The following LRRC37A2 variants were observed in gnomAD, a reference collection of about 807,000 sequenced individuals.
The protein encoded by LRRC37A2 is leucine-rich repeat-containing protein 37A2.
A neutral mutation model predicts 68.8 loss-of-function variants in LRRC37A2; 9 were observed. The observed-to-expected ratio is 0.13, with a 90% CI of 0.08 to 0.23. The LOEUF (loss-of-function observed/expected upper bound fraction) is 0.23, where lower values mean the gene tolerates loss of function less well. LRRC37A2 is among the 10% of genes least tolerant of loss of function. The pLI is 1.00. For synonymous variants in LRRC37A2, 63 were observed against 367.6 expected, an observed-to-expected ratio of 0.17 and a Z score of 9.48; for missense variants, 168 against 950.4, an observed-to-expected ratio of 0.18 and a Z score of 10.82.
chr17:46,980,666 CAAAA>C, the LRRC37A2 span, among the ~76,000 whole-genome samples: 103 of 83,890 alleles, frequency 1.2e-3, 7 homozygotes, highest in Middle Eastern at 6.8e-3. Context: ...ACTAAAAATA[CAAAA>C]AAAAAAAAAA....
chr17:46,935,908 T>G, the LRRC37A2 span: 3 of 985,802 alleles, frequency 3.0e-6, no homozygotes, highest in Non-Finnish European at 3.6e-6. Flanking sequence ...CAGGGTGTGG[T>G]CCCCTGTGAA....
At chr17:46,609,170 C>T in the LRRC37A2 span, among the ~76,000 whole-genome samples, 1 of 147,620 alleles carries the variant, frequency 6.8e-6, no homozygotes, top group African/African-American at 2.7e-5. Context: ...TGGTAATGTC[C>T]TCTTGACCTA....
At chr17:46,859,911 AAAAG>A in the LRRC37A2 span, among the ~76,000 whole-genome samples, 1 of 152,226 alleles carries the variant, frequency 6.6e-6, no homozygotes, top group Non-Finnish European at 1.5e-5. Context: ...AAAATTTAAA[AAAAG>A]AAATTCTTCC....
At chr17:46,931,437 G>T in the LRRC37A2 span, 1 of 556,528 alleles carries the variant, frequency 1.8e-6, no homozygotes, top group Non-Finnish European at 3.2e-6. Flanking sequence ...TTACCTCTTT[G>T]GTGTCATTTT....
chr17:46,900,085 TCG>T, the LRRC37A2 span, among the ~76,000 whole-genome samples: 4 of 149,120 alleles, frequency 2.7e-5, no homozygotes, highest in Non-Finnish European at 4.4e-5. Context: ...TGCACAGGCA[TCG>T]GTACTGTTAG....
At chr17:46,377,446 A>C in the LRRC37A2 span, among the ~76,000 whole-genome samples, 1 of 27,670 alleles carries the variant, frequency 3.6e-5, no homozygotes, top group African/African-American at 6.9e-5. Flanking sequence ...TTTATGGAGT[A>C]CATGAAAATT....
chr17:46,976,181 C>CCAGACTCCAGATAACTGCACCACCTACA, the LRRC37A2 span, among the ~76,000 whole-genome samples: 2 of 151,064 alleles, frequency 1.3e-5, no homozygotes, highest in African/African-American at 4.9e-5. Flanking sequence ...CCGCCTCGGC[C>CCAGACTCCAGATAACTGCACCACCTACA]TCCCAAAGTG....
At chr17:46,737,260 A>C in the LRRC37A2 span, among the ~76,000 whole-genome samples, 11 of 152,178 alleles carry the variant, frequency 7.2e-5, no homozygotes, top group Non-Finnish European at 7.3e-5. Context: ...CATGCTGCCC[A>C]CCAAGGAGTC....
chr17:46,526,475 G>A lies in LRRC37A2; in HGVS notation c.2906+2591G>A, dbSNP rs1445161390. 2.9e-5 allele frequency among the ~76,000 whole-genome samples: 3 copies of A among 103,356 alleles called. 1 individual carries two copies. Among genetic ancestry groups the A allele is most frequent in the African/African-American group, 1.1e-4 (3 of 26,390 alleles). The allele number at this position is 103,356 out of a possible 152,430, so 67.8% of individuals were successfully genotyped here. On this transcript the variant is annotated intron_variant, in intron 6 of 14. Coordinates refer to ENST00000576629, the Ensembl canonical transcript of LRRC37A2. ...TTCTCACTTGCACAGGCCCTTCCAA[G>A]GTCGTGGGAGGGCCCCTGGAAATTT... is the stretch of plus-strand genomic sequence containing the variant.
chr17:46,967,971 G>A, the LRRC37A2 span, among the ~76,000 whole-genome samples: 1 of 152,206 alleles, frequency 6.6e-6, no homozygotes, highest in Admixed American at 6.5e-5. Context: ...GGCAGAGTCA[G>A]ACAGGGTTTC....
At chr17:46,811,599 C>G in the LRRC37A2 span, among the ~76,000 whole-genome samples, 1 of 152,080 alleles carries the variant, frequency 6.6e-6, no homozygotes, top group Non-Finnish European at 1.5e-5. Context: ...GCAGGCAGGC[C>G]CTCCCAGGCA....
At chr17:46,822,073 G>A in the LRRC37A2 span, among the ~76,000 whole-genome samples, 7 of 152,346 alleles carry the variant, frequency 4.6e-5, 1 homozygote, top group Admixed American at 3.9e-4. Flanking sequence ...CCGTTGCAGC[G>A]GGGAAGCAGG....
the LRRC37A2 span, among the ~76,000 whole-genome samples, chr17:46,703,702 A>AG: frequency 7.4e-5 from 11 of 148,238 alleles, no homozygotes; most frequent in Non-Finnish European, 4.5e-5. Context: ...AAAAAAAAAA[A>AG]AACAAAAAAC....
chr17:46,709,754 C>G, the LRRC37A2 span, among the ~76,000 whole-genome samples: 1 of 152,132 alleles, frequency 6.6e-6, no homozygotes, highest in Non-Finnish European at 1.5e-5. Context: ...CTCAGCCTCC[C>G]AAAGTGCTGG....
At chr17:46,972,783 C>T in the LRRC37A2 span, among the ~76,000 whole-genome samples, 1 of 152,064 alleles carries the variant, frequency 6.6e-6, no homozygotes, top group African/African-American at 2.4e-5. Flanking sequence ...CTCAATCTCC[C>T]GTGTGGACGA....
At chr17:47,005,392 G>A in the LRRC37A2 span, among the ~76,000 whole-genome samples, 4 of 152,178 alleles carry the variant, frequency 2.6e-5, no homozygotes, top group African/African-American at 7.2e-5. Context: ...TCAGCTTCCC[G>A]TGAGCAACTG....
chr17:46,817,112 C>T, the LRRC37A2 span, among the ~76,000 whole-genome samples: 1 of 152,184 alleles, frequency 6.6e-6, no homozygotes, highest in Non-Finnish European at 1.5e-5. Context: ...GACCCTTGGC[C>T]ATGTCCCCAC....
chr17:46,896,452 A>AAGAAAGAAAGAAAGAGAAAG, the LRRC37A2 span, among the ~76,000 whole-genome samples: 45 of 65,878 alleles, frequency 6.8e-4, 2 homozygotes, highest in East Asian at 2.1e-3. Context: ...GAAAGAAAGA[A>AAGAAAGAAAGAAAGAGAAAG]AAAGAAAGAA....
At chr17:46,780,288 C>T in the LRRC37A2 span, among the ~76,000 whole-genome samples, 1 of 152,218 alleles carries the variant, frequency 6.6e-6, no homozygotes, top group Admixed American at 6.5e-5. Flanking sequence ...CACTGTGCTG[C>T]CAGCACCCAC....
Sources: allele counts gnomAD v4.1 joint callset (sites outside exome capture counted in the v4.1 genomes callset), GRCh38; gene constraint gnomAD v4.1.1; transcripts MANE v1.5; gene names NCBI Gene and HGNC (gene_info 2026-07-23, HGNC 2026-07-21).